The following PLIN4 variants were observed in gnomAD, a reference collection of about 807,000 sequenced individuals.
PLIN4 encodes the protein perilipin-4.
Under a neutral mutation model 52.4 loss-of-function variants are expected in PLIN4, and 57 were observed. That is an observed-to-expected ratio of 1.09 (90% CI 0.88 to 1.36). The LOEUF (loss-of-function observed/expected upper bound fraction) is 1.36. Among genes scored for constraint, PLIN4 ranks in the 40% most tolerant of loss-of-function variants. PLIN4 has a pLI of 0.00. For missense variants in PLIN4, 1,757 were observed against 1,770.3 expected (o/e 0.99, Z 0.13); for synonymous variants, 826 against 785.4 (o/e 1.05, Z -0.86).
chr19:4,513,760 A>C, intron 4 of PLIN4, 59 bp from the exon 5 acceptor site: 1 of 1,504,590 alleles, frequency 6.6e-7, no homozygotes, highest in East Asian at 2.3e-5. Flanking sequence ...CTCCACCCCG[A>C]TGTCTGCCAG....
At position 4,503,664 on chromosome 19, in the gene PLIN4, G is replaced by GC. The variant is rs774745540; in HGVS notation, c.*794dup. On this transcript the variant is annotated 3_prime_UTR_variant, in exon 8 of 8. Coordinates refer to ENST00000301286, the MANE Select transcript of PLIN4 (RefSeq NM_001367868.2). ...GCCCAGCCTCCCCAGGGGCCTCAGA[G>GC]CCCCAGGTGCCTGGGGCAGGCCTGT... 1 of 152,324 alleles carries GC rather than the reference G, an allele frequency of 6.6e-6. No individual in the cohort carries two copies. Among genetic ancestry groups the GC allele is most frequent in the Non-Finnish European group, 1.5e-5 (1 of 68,152 alleles). 9.4% of individuals were successfully genotyped at this position (152,324 alleles called of 1,614,324 possible). A position where few individuals can be genotyped will look rare whatever the true frequency, so the allele number is the denominator to read the frequency against.
Position 4,510,375 on chromosome 19 carries a change from AAC to A in PLIN4, c.3514+69_3514+70del, listed in dbSNP as rs369050647. 5,734 of 1,185,904 alleles carry A rather than the reference AAC, an allele frequency of 4.8e-3. 38 individuals are homozygous for A. Among genetic ancestry groups the A allele is most frequent in the Non-Finnish European group, 5.2e-3 (4,823 of 922,274 alleles). The allele number at this position is 1,185,904 out of a possible 1,614,324, so 73.5% of individuals were successfully genotyped here. ...AGCACGACTCTGTCTCAAAAAAAAAAACAAAACAGTCAAGGACCTGCTAGCAG... is the reference window on the plus strand; with the variant it reads ...AGCACGACTCTGTCTCAAAAAAAAAAAAAACAGTCAAGGACCTGCTAGCAG... On this transcript the variant is annotated intron_variant, in intron 5 of 7. Coordinates refer to ENST00000301286, the MANE Select transcript of PLIN4 (RefSeq NM_001367868.2).
chr19:4,509,310 C>CAAAAAAAAAAAAAAAAAA lies in PLIN4; in HGVS notation c.3515-356_3515-355insTTTTTTTTTTTTTTTTTT, dbSNP rs71168909. Among the ~76,000 whole-genome samples the CAAAAAAAAAAAAAAAAAA allele has an allele frequency of 5.1e-4, 8 of 15,798 alleles. 3 individuals carry two copies. The highest frequency in any genetic ancestry group is 1.0e-3 in the Non-Finnish European group (8 of 7,868). 10.4% of individuals were successfully genotyped at this position (15,798 alleles called of 152,430 possible). A position where few individuals can be genotyped will look rare whatever the true frequency, so the allele number is the denominator to read the frequency against. On this transcript the variant is annotated intron_variant, in intron 5 of 7. Coordinates refer to ENST00000301286, the MANE Select transcript of PLIN4 (RefSeq NM_001367868.2). ...TGGGTAAGAGTGCGAGACTCCGTCT[C>CAAAAAAAAAAAAAAAAAA]AAAAAAAAAAAAAAAGTTAAGTGAG...
chr19:4,511,033 T>C lies in PLIN4; in HGVS notation c.2927A>G (p.Lys976Arg). The C allele has an allele frequency of 1.9e-6, 3 of 1,613,362 alleles. No homozygotes were observed. Among genetic ancestry groups the C allele is most frequent in the Non-Finnish European group, 2.5e-6 (3 of 1,179,856 alleles). Residue 976 changes from lysine (K) to arginine (R), a missense_variant, in exon 5 of 8, where the codon AAA becomes AGA. Physicochemically the swap from Lys to Arg is conservative, Grantham distance 26. Around this residue, in one of 7 missense-constraint regions of PLIN4, gnomAD observed 712 missense variants for 637.1 expected, o/e 1.12. Coordinates refer to ENST00000301286, the MANE Select transcript of PLIN4 (RefSeq NM_001367868.2). ...GTCCACGCCGGTCTGCACGGTTCCT[T>C]TGGCCACATTCACTGCCCCCGTGAC... Reference protein sequence around the residue: ...TGVTGAVNVAKGTVQTGVDAS... With the variant: ...TGVTGAVNVARGTVQTGVDAS...
rs761273420 is a variant in PLIN4, at chr19:4,512,879, T to A, written c.1081A>T (p.Thr361Ser). The A allele has an allele frequency of 7.0e-6, 11 of 1,570,478 alleles. No homozygotes were observed. Among genetic ancestry groups the A allele is most frequent in the African/African-American group, 2.2e-5 (1 of 44,874 alleles). ...GTGTTCTTGGTGCCAGTTAGGACAGTCTTGGTGGTGTCCACGCCGGTCTGG... is the reference window on the plus strand; with the variant it reads ...GTGTTCTTGGTGCCAGTTAGGACAGACTTGGTGGTGTCCACGCCGGTCTGG... Reference protein sequence around the residue: ...TIQTGVDTTKTVLTGTKNTVC... With the variant: ...TIQTGVDTTKSVLTGTKNTVC... The change falls in exon 5 of 8, where the codon ACT (threonine) becomes TCT (serine). Residue 361 changes from threonine to serine, a missense_variant. By Grantham distance (58) the Thr-to-Ser change is moderately conservative (BLOSUM62 1). Around this residue, in one of 7 missense-constraint regions of PLIN4, gnomAD observed 99 missense variants for 143.4 expected, o/e 0.69. Coordinates refer to ENST00000301286, the MANE Select transcript of PLIN4 (RefSeq NM_001367868.2).
intron 5 of PLIN4, 137 bp from the exon 6 acceptor site, chr19:4,509,092 G>A (rs183575872): frequency 0.018 from 13,481 of 741,682 alleles, 176 homozygotes; most frequent in Non-Finnish European, 0.024. Context: ...GGCAGATCAC[G>A]AGGTCAGGAG....
At position 4,504,492 on chromosome 19, in the gene PLIN4, T is replaced by G; in HGVS notation, c.4083A>C (p.Val1361=). Residue 1361 remains valine, a synonymous_variant, in exon 8 of 8, where the codon GTA becomes GTC. Coordinates refer to ENST00000301286, the MANE Select transcript of PLIN4 (RefSeq NM_001367868.2). ...CGCCAGCGGGCAAGGCGAAGGGCCC[T>G]ACCAGCCAGCTGAGCGGGGGATTGT... ...LQHNPPLSWL[V]GPFALPAGGQ 1.3e-6 allele frequency: 2 copies of G among 1,597,374 alleles called. No individual in the cohort carries two copies. The highest frequency in any genetic ancestry group is 8.5e-7 in the Non-Finnish European group (1 of 1,170,966).
chr19:4,512,473 G>A lies in PLIN4; in HGVS notation c.1487C>T (p.Thr496Ile). The change falls in exon 5 of 8, where the codon ACT becomes ATT. Residue 496 changes from threonine to isoleucine, a missense_variant. Coordinates refer to ENST00000301286, the MANE Select transcript of PLIN4 (RefSeq NM_001367868.2). Reference protein sequence around the residue: ...GGLDTTKSVLTGTKDAVSTGL... With the variant: ...GGLDTTKSVLIGTKDAVSTGL... ...AGTGGACACAGCATCTTTAGTGCCA[G>A]TCAGGACAGACTTTGTAGTGTCCAG... 1 of 1,600,718 alleles carries A rather than the reference G, an allele frequency of 6.2e-7. No individual in the cohort carries two copies. The highest frequency in any genetic ancestry group is 8.5e-7 in the Non-Finnish European group (1 of 1,174,272).
chr19:4,511,315 C>T lies in PLIN4; in HGVS notation c.2645G>A (p.Gly882Glu), dbSNP rs762084448. 1.2e-6 allele frequency: 2 copies of T among 1,606,976 alleles called. No homozygotes were observed. The highest frequency in any genetic ancestry group is 8.5e-7 in the Non-Finnish European group (1 of 1,176,072). Residue 882 changes from glycine to glutamate, a missense_variant, in exon 5 of 8, where the codon GGG (glycine) becomes GAG (glutamate). By Grantham distance (98) the Gly-to-Glu change is moderately conservative. Around this residue, in one of 7 missense-constraint regions of PLIN4, gnomAD observed 76 missense variants for 109.1 expected, o/e 0.70. Transcript: ENST00000301286. ...AAKVAKGAVQ[G>E]GLDTTKSVLT... The stretch of plus-strand genomic sequence containing the variant: ...GACAGACTTTGTAGTGTCCAGGCCC[C>T]CCTGGACGGCCCCTTTGGCCACTTT...
At chr19:4,506,534 C>T (rs1360328309) in intron 6 of PLIN4, among the ~76,000 whole-genome samples, 1 of 152,180 alleles carries the variant, frequency 6.6e-6, no homozygotes, top group Non-Finnish European at 1.5e-5. Flanking sequence ...CGCCCCCCAC[C>T]CCCCAAGGGC....
At chr19:4,517,928 T>C (rs1976634211) in intron 2 of PLIN4, among the ~76,000 whole-genome samples, 1 of 152,150 alleles carries the variant, frequency 6.6e-6, no homozygotes, top group South Asian at 2.1e-4. Flanking sequence ...CCAAAGACCT[T>C]TTCCTTCCAG....
Position 4,508,862 on chromosome 19 carries a change from C to A in PLIN4, c.3608G>T (p.Arg1203Leu). The A allele has an allele frequency of 6.2e-7, 1 of 1,612,220 alleles. No individual in the cohort carries two copies. Among genetic ancestry groups the A allele is most frequent in the Non-Finnish European group, 8.5e-7 (1 of 1,179,450 alleles). ...CACCGCGTGTTCAAATGCCCGCTGG[C>A]GGAAGCTGGGACCCAGGTCACCTAA... is the stretch of plus-strand genomic sequence containing the variant. ...VRLGDLGPSF[R>L]QRAFEHAVSH... Residue 1203 changes from arginine (R) to leucine (L), a missense_variant, in exon 6 of 8, where the codon CGC (arginine) becomes CTC (leucine). Coordinates refer to ENST00000301286, the MANE Select transcript of PLIN4 (RefSeq NM_001367868.2).
chr19:4,508,266 T>A lies in PLIN4; in HGVS notation c.3702+502A>T, dbSNP rs140115087. On this transcript the variant is annotated intron_variant, in intron 6 of 7. Coordinates refer to ENST00000301286, the MANE Select transcript of PLIN4 (RefSeq NM_001367868.2). Reference sequence around the variant, plus strand: ...GCTGTCTTTGTGTCCCCACCGTCTTTATTTTTTTGAGACAGAGTCTTGCTC... The same window carrying A: ...GCTGTCTTTGTGTCCCCACCGTCTTAATTTTTTTGAGACAGAGTCTTGCTC... Among the ~76,000 whole-genome samples the A allele has an allele frequency of 2.1e-3, 321 of 152,260 alleles. 1 individual carries two copies. Among genetic ancestry groups the A allele is most frequent in the African/African-American group, 7.5e-3 (311 of 41,552 alleles).
At chr19:4,516,742 C>T in intron 3 of PLIN4, 64 bp from the exon 4 acceptor site, 4 of 1,434,196 alleles carry the variant, frequency 2.8e-6, no homozygotes, top group Non-Finnish European at 3.7e-6. Flanking sequence ...ACCCGGCTGC[C>T]CATTGCACAA....
chr19:4,516,313 G>A (rs1235700449), intron 4 of PLIN4, among the ~76,000 whole-genome samples: 3 of 152,190 alleles, frequency 2.0e-5, no homozygotes, highest in Non-Finnish European at 4.4e-5. Context: ...AAGTGCTTAC[G>A]CTGCTGTCGC....
chr19:4,516,480 C>T (rs1976584380), intron 4 of PLIN4, 137 bp downstream of exon 4: 1 of 1,056,642 alleles, frequency 9.5e-7, no homozygotes, highest in Non-Finnish European at 1.4e-6. Flanking sequence ...CTCAGGCCCA[C>T]AGCAGCCCCC....
In PLIN4 at chr19:4,513,287, C is replaced by T. The variant is rs147730941; in HGVS notation, c.673G>A (p.Glu225Lys). The stretch of plus-strand genomic sequence containing the variant: ...CCGGTCAGCACAGCCTTGGAGGTTT[C>T]CACGCCAGTCTGGACAGTCCCTTTG... ...LAKGTVQTGV[E>K]TSKAVLTGTK... Residue 225 changes from glutamate (E) to lysine (K), a missense_variant, in exon 5 of 8, where the codon GAA (glutamate) becomes AAA (lysine). By Grantham distance (56) the Glu-to-Lys change is moderately conservative (BLOSUM62 1). This residue lies in a region of PLIN4 where 332 missense variants were observed against 310.8 expected (regional missense o/e 1.07). Transcript: ENST00000301286. 2.5e-6 allele frequency: 4 copies of T among 1,613,754 alleles called. No homozygotes were observed. The highest frequency in any genetic ancestry group is 3.4e-6 in the Non-Finnish European group (4 of 1,179,866).
Position 4,504,709 on chromosome 19 carries a change from G to T in PLIN4, c.3866C>A (p.Ser1289Tyr). The T allele has an allele frequency of 6.2e-7, 1 of 1,601,834 alleles. No individual in the cohort carries two copies. The highest frequency in any genetic ancestry group is 8.5e-7 in the Non-Finnish European group (1 of 1,177,928). ...CTCGGCGGGCAGGCCCTGGAGGCTG[G>T]AGACCAGGCCACTGTAGGCCGTGTG... ...QLHTAYSGLV[S>Y]SLQGLPAELQ... is the part of the protein sequence containing the mutation. The change falls in exon 8 of 8, where the codon TCC becomes TAC. Residue 1289 changes from serine (S) to tyrosine (Y), a missense_variant. This residue lies in a region of PLIN4 where 712 missense variants were observed against 637.1 expected (regional missense o/e 1.12). Coordinates refer to ENST00000301286, the MANE Select transcript of PLIN4 (RefSeq NM_001367868.2).
chr19:4,515,890 C>T (rs904990139), intron 4 of PLIN4, among the ~76,000 whole-genome samples: 3 of 152,238 alleles, frequency 2.0e-5, no homozygotes, highest in Admixed American at 6.5e-5. Context: ...CAGCTTTTTA[C>T]CCTCTCCTGC....
Sources: gnomAD v4.1 joint callset for allele counts (sites outside exome capture counted in the v4.1 genomes callset) on GRCh38, gnomAD v4.1.1 for gene constraint, gnomAD v4.1.1 regional missense constraint, MANE v1.5 for transcripts, NCBI Gene and HGNC (gene_info 2026-07-23, HGNC 2026-07-21) for gene names.